The following FAP variants were observed in gnomAD, a reference collection of about 807,000 sequenced individuals.
The protein encoded by FAP is fibroblast activation protein alpha, also known as prolyl endopeptidase FAP.
In FAP, 110 loss-of-function variants were observed where a neutral mutation model predicts 126.5. The observed-to-expected ratio is 0.87, with a 90% CI of 0.74 to 1.02. The LOEUF is 1.02. Among genes scored for constraint, FAP ranks in the 50% least tolerant of loss-of-function variants. The pLI, the probability that FAP is intolerant of heterozygous loss-of-function variation, is 0.00. For synonymous variants in FAP, 334 were observed against 297.3 expected (o/e 1.12, Z -1.27); for missense variants, 919 against 909.2 (o/e 1.01, Z -0.14).
intron 6 of FAP, among the ~76,000 whole-genome samples, chr2:162,221,210 G>C (rs1045491112): frequency 2.0e-5 from 3 of 152,066 alleles, no homozygotes; most frequent in African/African-American, 7.2e-5. Context: ...CTGGGTGATC[G>C]GGAACATGTT....
chr2:162,177,757 G>A (rs1481104149), intron 21 of FAP, among the ~76,000 whole-genome samples: 1 of 152,002 alleles, frequency 6.6e-6, no homozygotes, highest in African/African-American at 2.4e-5. Flanking sequence ...ACTCCATAAG[G>A]GTAGATATTT....
intron 17 of FAP, among the ~76,000 whole-genome samples, chr2:162,190,884 T>C (rs966765527): frequency 6.6e-6 from 1 of 152,140 alleles, no homozygotes; most frequent in African/African-American, 2.4e-5. Context: ...TGCTCCAACA[T>C]GTTATATTTA....
rs556775679 is a variant in FAP, at chr2:162,183,739, G to T, written c.1815-271C>A. The stretch of plus-strand genomic sequence containing the variant: ...GGCCTTGTAGTCTAATCGTGGGGGT[G>T]TACCTGAGACTCAGAGAGGCCAAAA... On this transcript the variant is annotated intron_variant, in intron 20 of 25. Transcript: ENST00000188790. Among the ~76,000 whole-genome samples the T allele has an allele frequency of 2.6e-5, 4 of 152,268 alleles. No individual in the cohort carries two copies. The East Asian group carries it at 7.7e-4, about 29-fold the overall frequency.
At chr2:162,189,911 C>A (rs752028450) in intron 17 of FAP, among the ~76,000 whole-genome samples, 157 bp from the exon 18 acceptor site, 2 of 151,928 alleles carry the variant, frequency 1.3e-5, no homozygotes, top group African/African-American at 2.4e-5. Flanking sequence ...TATAATCCAG[C>A]CTTTAGAGCA....
chr2:162,202,799 G>T, intron 14 of FAP, 73 bp downstream of exon 14: 1 of 1,073,304 alleles, frequency 9.3e-7, no homozygotes, highest in South Asian at 1.3e-5. Context: ...TAAGAGAGTT[G>T]GTACAGTATC....
At chr2:162,197,029 G>A (rs534365256) in intron 16 of FAP, among the ~76,000 whole-genome samples, 7 of 152,278 alleles carry the variant, frequency 4.6e-5, no homozygotes, top group Admixed American at 1.3e-4. Flanking sequence ...GGAAGACAAC[G>A]TAATACAAAA....
At chr2:162,177,309 T>C (rs1687521287) in intron 21 of FAP, among the ~76,000 whole-genome samples, 1 of 152,196 alleles carries the variant, frequency 6.6e-6, no homozygotes, top group South Asian at 2.1e-4. Flanking sequence ...CACTGGAACA[T>C]TTTACCTATA....
At chr2:162,175,117 C>G in intron 21 of FAP, 151 bp from the exon 22 acceptor site, 1 of 562,280 alleles carries the variant, frequency 1.8e-6, no homozygotes, top group Non-Finnish European at 3.2e-6. Flanking sequence ...TCCTCGGCAG[C>G]AAGCTTCAGA....
intron 21 of FAP, chr2:162,175,708 A>G (rs964965866): frequency 6.6e-6 from 1 of 152,180 alleles, no homozygotes; most frequent in Non-Finnish European, 1.5e-5. Flanking sequence ...AGGAATCAAG[A>G]GGTGATTCAG....
intron 17 of FAP, among the ~76,000 whole-genome samples, chr2:162,191,890 G>A (rs1250208509): frequency 2.0e-5 from 3 of 152,082 alleles, no homozygotes; most frequent in Admixed American, 6.6e-5. Context: ...GGAAAATGAA[G>A]CCACTTCACT....
At chr2:162,209,427 A>G (rs1688839707) in intron 12 of FAP, among the ~76,000 whole-genome samples, 1 of 152,188 alleles carries the variant, frequency 6.6e-6, no homozygotes, top group Admixed American at 6.5e-5. Flanking sequence ...CCAAATATAA[A>G]TGATCACAAG....
chr2:162,205,054 A>G (rs1427049674), intron 12 of FAP, among the ~76,000 whole-genome samples: 1 of 152,170 alleles, frequency 6.6e-6, no homozygotes, highest in Non-Finnish European at 1.5e-5. Context: ...GTAGCCAACC[A>G]GTGGTTTATC....
chr2:162,171,709 T>C (rs1052745798), intron 25 of FAP: 3 of 152,140 alleles, frequency 2.0e-5, no homozygotes, highest in Admixed American at 6.6e-5. Flanking sequence ...ATATATTTAC[T>C]AAGTTGAATT....
chr2:162,239,476 T>A (rs939603011), intron 2 of FAP, among the ~76,000 whole-genome samples: 4 of 151,902 alleles, frequency 2.6e-5, no homozygotes, highest in African/African-American at 9.7e-5. Flanking sequence ...GACACAAAAG[T>A]TTCTGAAACA....
intron 25 of FAP, 189 bp from the exon 26 acceptor site, chr2:162,171,269 A>G: frequency 1.9e-6 from 1 of 528,068 alleles, no homozygotes; most frequent in South Asian, 2.4e-5. Context: ...AACCTCCACT[A>G]CTGTTTCACA....
intron 5 of FAP, 61 bp from the exon 6 acceptor site, chr2:162,223,721 T>G (rs1043378305): frequency 2.9e-6 from 3 of 1,037,674 alleles, no homozygotes; most frequent in Middle Eastern, 2.0e-4. Context: ...ATATCAATAA[T>G]GTATAATCAT....
chr2:162,177,437 C>CT (rs1687524228), intron 21 of FAP, among the ~76,000 whole-genome samples: 1 of 152,094 alleles, frequency 6.6e-6, no homozygotes, highest in East Asian at 1.9e-4. Flanking sequence ...TTCTCTTCCC[C>CT]TTGCTCACTG....
chr2:162,213,601 A>G (rs6748542), intron 11 of FAP, among the ~76,000 whole-genome samples: 20,341 of 151,646 alleles, frequency 0.13, 3,129 homozygotes, highest in African/African-American at 0.35. Context: ...CATCTGCATT[A>G]TTTTGCTTTT....
chr2:162,210,197 C>T (rs1254716894), intron 11 of FAP, among the ~76,000 whole-genome samples: 1 of 152,136 alleles, frequency 6.6e-6, no homozygotes, highest in Non-Finnish European at 1.5e-5. Flanking sequence ...AATTTTATTG[C>T]AGATCCTTAA....
Sources: allele counts gnomAD v4.1 joint callset (sites outside exome capture counted in the v4.1 genomes callset), GRCh38; gene constraint gnomAD v4.1.1; transcripts MANE v1.5; gene names NCBI Gene and HGNC (gene_info 2026-07-23, HGNC 2026-07-21).